TRPM3: variants seen among roughly 807,000 people sequenced by gnomAD.
TRPM3 encodes long transient receptor potential channel 3.
Under a neutral mutation model 181.2 loss-of-function variants are expected in TRPM3, and 77 were observed. The observed-to-expected ratio is 0.42, with a 90% CI of 0.35 to 0.51. The LOEUF (loss-of-function observed/expected upper bound fraction) is 0.51. Among genes scored for constraint, TRPM3 ranks in the 20% least tolerant of loss-of-function variants. TRPM3 has a pLI of 0.01. For synonymous variants in TRPM3, 745 were observed against 796.4 expected, an observed-to-expected ratio of 0.94 and a Z score of 1.09; for missense variants, 1,759 against 2,196.7, an observed-to-expected ratio of 0.80 and a Z score of 3.98.
chr9:70,920,382 A>G lies in TRPM3; in HGVS notation c.178-55871T>C, dbSNP rs191901008. ...AGTCTATTAGGTTTTTGCTGTGGTA[A>G]TGACATAGAAATAATGAAATGTGAT... On this transcript the variant is annotated intron_variant, in intron 1 of 25. Transcript: ENST00000677713. Among the ~76,000 whole-genome samples, 36 of 152,288 alleles carry G rather than the reference A, an allele frequency of 2.4e-4. 1 individual carries two copies. The South Asian group carries it at 7.3e-3, about 31-fold the overall frequency.
chr9:70,536,043 G>A lies in TRPM3; in HGVS notation c.5070C>T (p.Ser1690=), dbSNP rs768647446. ...TGTCCCCTCGGCCCTCCGGCTTGGA[G>A]GACTTGCTTCTCTGGAAGGGATTTC... ...SLRNPFQRSK[S]SKPEGRGDSL... is the part of the protein sequence containing the mutation. The change falls in exon 26 of 26, where the codon TCC becomes TCT. Residue 1690 remains serine, a synonymous_variant. Transcript: ENST00000677713. The A allele has an allele frequency of 6.2e-7, 1 of 1,614,224 alleles. No individual in the cohort carries two copies. The highest frequency in any genetic ancestry group is 1.1e-5 in the South Asian group (1 of 91,084).
intron 1 of TRPM3, among the ~76,000 whole-genome samples, chr9:71,330,245 A>G (rs980161061): frequency 6.6e-6 from 1 of 151,914 alleles, no homozygotes; most frequent in African/African-American, 2.4e-5. Context: ...ACTAGATTGC[A>G]GATTTTTGTT....
intron 7 of TRPM3, among the ~76,000 whole-genome samples, chr9:70,777,711 A>G (rs1267349248): frequency 6.6e-6 from 1 of 152,188 alleles, no homozygotes; most frequent in African/African-American, 2.4e-5. Flanking sequence ...ATTTGTTAGT[A>G]TACTAGTTCA....
At chr9:70,852,983 C>T (rs1158521394) in intron 3 of TRPM3, among the ~76,000 whole-genome samples, 2 of 151,986 alleles carry the variant, frequency 1.3e-5, no homozygotes, top group African/African-American at 2.4e-5. Flanking sequence ...GTTGTTTTTC[C>T]CATGGGTCAA....
At chr9:71,365,458 T>C (rs1315932558) in intron 1 of TRPM3, among the ~76,000 whole-genome samples, 1 of 152,196 alleles carries the variant, frequency 6.6e-6, no homozygotes, top group East Asian at 1.9e-4. Context: ...CACTTTATCT[T>C]AGATTCTGAA....
chr9:71,259,301 G>T (rs187754392), intron 1 of TRPM3, among the ~76,000 whole-genome samples: 187 of 152,242 alleles, frequency 1.2e-3, no homozygotes, highest in Middle Eastern at 6.8e-3. Context: ...ACAATGATAG[G>T]CATTTAGGGT....
intron 3 of TRPM3, among the ~76,000 whole-genome samples, chr9:70,851,333 A>G (rs2095222221): frequency 1.3e-5 from 2 of 152,248 alleles, no homozygotes; most frequent in South Asian, 4.1e-4. Flanking sequence ...GGGAGATTAC[A>G]ATTCATACTA....
chr9:70,936,891 GGCTCTTA>G (rs1318335530), intron 1 of TRPM3, among the ~76,000 whole-genome samples: 1 of 152,102 alleles, frequency 6.6e-6, no homozygotes, highest in South Asian at 2.1e-4. Flanking sequence ...CTGTCTTCTA[GGCTCTTA>G]GCTCCAAAGA....
chr9:70,667,419 G>C (rs1390900744), intron 9 of TRPM3, among the ~76,000 whole-genome samples: 1 of 152,136 alleles, frequency 6.6e-6, no homozygotes, highest in Non-Finnish European at 1.5e-5. Context: ...TTGGGGAAGA[G>C]GGCTGAGGTC....
chr9:71,143,613 A>T (rs1015238342), intron 1 of TRPM3, among the ~76,000 whole-genome samples: 11 of 152,062 alleles, frequency 7.2e-5, no homozygotes, highest in African/African-American at 1.2e-4. Context: ...GGTTGATTCT[A>T]TGTGTTTGCT....
chr9:71,296,001 C>T (rs10869011), intron 1 of TRPM3, among the ~76,000 whole-genome samples: 7,506 of 152,086 alleles, frequency 0.049, 256 homozygotes, highest in Admixed American at 0.1. Context: ...TTAGGGGAGT[C>T]GATACATTCT....
rs531751938 is a variant in TRPM3, at chr9:71,242,974, C to A, written c.183+203679G>T. Reference sequence around the variant, plus strand: ...CAGTGTAGCTGGGGTACATTGAAATCACTGTCCCCAGTGCCGCTTAGCTCA... The same window carrying A: ...CAGTGTAGCTGGGGTACATTGAAATAACTGTCCCCAGTGCCGCTTAGCTCA... On this transcript the variant is annotated intron_variant, in intron 1 of 24. Transcript: ENST00000357533. Among the ~76,000 whole-genome samples, 36 of 152,308 alleles carry A rather than the reference C, an allele frequency of 2.4e-4. No individual in the cohort carries two copies. In the South Asian group the frequency reaches 6.6e-3, roughly 28 times the overall value.
At chr9:70,809,263 GTTAAT>G (rs1334325638) in intron 6 of TRPM3, among the ~76,000 whole-genome samples, 9 of 152,208 alleles carry the variant, frequency 5.9e-5, no homozygotes, top group African/African-American at 2.2e-4. Flanking sequence ...GTCAGCTAAG[GTTAAT>G]TTAGTTTTGA....
intron 1 of TRPM3, among the ~76,000 whole-genome samples, chr9:71,183,205 C>T (rs2134927447): frequency 6.6e-6 from 1 of 152,194 alleles, no homozygotes; most frequent in Middle Eastern, 3.4e-3. Flanking sequence ...TGTGTGTGTC[C>T]TACTGGATCC....
rs527608422 is a variant in TRPM3, at chr9:70,582,883, T to C, written c.3223+8148A>G. On this transcript the variant is annotated intron_variant, in intron 22 of 25. Transcript: ENST00000677713. ...ATGACACCAGGTTACAATTACTTCA[T>C]ATATAATCTTTCTTTGAAACATGTG... is the stretch of plus-strand genomic sequence containing the variant. Among the ~76,000 whole-genome samples the C allele has an allele frequency of 4.6e-5, 7 of 152,336 alleles. No individual in the cohort carries two copies. The South Asian group carries it at 1.2e-3, about 27-fold the overall frequency.
intron 1 of TRPM3, among the ~76,000 whole-genome samples, chr9:71,159,949 G>T (rs184728856): frequency 6.6e-6 from 1 of 152,226 alleles, no homozygotes; most frequent in East Asian, 1.9e-4. Context: ...ATTGTTGGCA[G>T]AGGAAGCAAG....
chr9:71,378,204 A>C (rs2092711279), intron 1 of TRPM3, among the ~76,000 whole-genome samples: 1 of 152,116 alleles, frequency 6.6e-6, no homozygotes, highest in South Asian at 2.1e-4. Context: ...AAACAGACCA[A>C]ATAGGGTTTA....
At chr9:71,185,676 G>A (rs964761759) in intron 1 of TRPM3, among the ~76,000 whole-genome samples, 3 of 151,980 alleles carry the variant, frequency 2.0e-5, no homozygotes, top group Non-Finnish European at 4.4e-5. Flanking sequence ...TGTGTTTTAT[G>A]TGTAGTCTCA....
intron 1 of TRPM3, among the ~76,000 whole-genome samples, chr9:71,277,800 A>C (rs957833047): frequency 1.3e-5 from 2 of 152,256 alleles, no homozygotes; most frequent in Admixed American, 6.5e-5. Context: ...ATGCTTCAGC[A>C]ATGTGTAATC....
Sources: allele counts gnomAD v4.1 joint callset (sites outside exome capture counted in the v4.1 genomes callset), GRCh38; gene constraint gnomAD v4.1.1; transcripts MANE v1.5; gene names NCBI Gene and HGNC (gene_info 2026-07-23, HGNC 2026-07-21).